ATF6: variants seen among roughly 807,000 people sequenced by gnomAD.
ATF6 encodes cyclic AMP-dependent transcription factor ATF-6 alpha.
Under a neutral mutation model 83.6 loss-of-function variants are expected in ATF6, and 53 were observed. That is an observed-to-expected ratio of 0.63 (90% CI 0.51 to 0.80). The LOEUF (loss-of-function observed/expected upper bound fraction) is 0.80, where lower values mean the gene tolerates loss of function less well. Ranked by LOEUF, ATF6 falls within the 30% of genes least tolerant of loss-of-function variation. The pLI is 0.00. For missense variants in ATF6, 744 were observed against 797.9 expected (o/e 0.93, Z 0.81); for synonymous variants, 288 against 285.8 (o/e 1.01, Z -0.08).
chr1:161,897,161 C>A (rs563309276), intron 14 of ATF6, among the ~76,000 whole-genome samples: 2 of 152,022 alleles, frequency 1.3e-5, no homozygotes, highest in African/African-American at 4.8e-5. Flanking sequence ...GAGCTGGGCT[C>A]GGTGGCACAC....
At chr1:161,794,060 C>T (rs1223575882) in intron 6 of ATF6, among the ~76,000 whole-genome samples, 1 of 152,100 alleles carries the variant, frequency 6.6e-6, no homozygotes, top group Non-Finnish European at 1.5e-5. Flanking sequence ...GCACGTGCCA[C>T]CATGCCCAGC....
intron 1 of ATF6, among the ~76,000 whole-genome samples, chr1:161,768,508 A>G (rs2101709427): frequency 6.6e-6 from 1 of 152,264 alleles, no homozygotes; most frequent in Non-Finnish European, 1.5e-5. Flanking sequence ...TCGTTCTGTG[A>G]CAGTTGCTGT....
chr1:161,959,202 A>T lies in ATF6; in HGVS notation c.*548A>T, dbSNP rs1275622336. 1 of 152,314 alleles carries T rather than the reference A, an allele frequency of 6.6e-6. No homozygotes were observed. Among genetic ancestry groups the T allele is most frequent in the East Asian group, 1.9e-4 (1 of 5,266 alleles). 9.4% of individuals were successfully genotyped at this position (152,314 alleles called of 1,614,324 possible). A position where few individuals can be genotyped will look rare whatever the true frequency, so the allele number is the denominator to read the frequency against. On this transcript the variant is annotated 3_prime_UTR_variant, in exon 16 of 16. Coordinates refer to ENST00000367942, the MANE Select transcript of ATF6 (RefSeq NM_007348.4). ...CCAAAAACACTCCAAAAACAAGCAA[A>T]ACAATTTGGAGCTTTAGATAAAAGG...
chr1:161,793,206 A>G (rs549118463), intron 6 of ATF6, among the ~76,000 whole-genome samples: 2 of 152,326 alleles, frequency 1.3e-5, no homozygotes, highest in Non-Finnish European at 2.9e-5. Flanking sequence ...TTTAATTTCC[A>G]GATACTCTTT....
chr1:161,887,117 A>G lies in ATF6; in HGVS notation c.1719+23805A>G, dbSNP rs1470507736. ...GAGGGAGTCTCGCTTTGTCACCCATACTGGAGTGCAGTGGTGCGATCTCAG... is the reference window on the plus strand; with the variant it reads ...GAGGGAGTCTCGCTTTGTCACCCATGCTGGAGTGCAGTGGTGCGATCTCAG... On this transcript the variant is annotated intron_variant, in intron 14 of 15. Transcript: ENST00000367942. Among the ~76,000 whole-genome samples, 9 of 151,426 alleles carry G rather than the reference A, an allele frequency of 5.9e-5. No individual in the cohort carries two copies. The East Asian group carries it at 1.7e-3, about 29-fold the overall frequency.
chr1:161,804,779 A>G (rs540517265), intron 7 of ATF6, among the ~76,000 whole-genome samples: 106 of 152,066 alleles, frequency 7.0e-4, no homozygotes, highest in Non-Finnish European at 1.2e-3. Flanking sequence ...ATCTCTAAAC[A>G]TATTCCAATT....
In ATF6 at chr1:161,802,063, T is replaced by G; in HGVS notation, c.700T>G (p.Leu234Val). The G allele has an allele frequency of 6.2e-7, 1 of 1,614,088 alleles. No homozygotes were observed. Among genetic ancestry groups the G allele is most frequent in the South Asian group, 1.1e-5 (1 of 91,086 alleles). The change falls in exon 7 of 16, where the codon TTG becomes GTG. Residue 234 changes from leucine to valine, a missense_variant. Leu to Val is a conservative substitution (Grantham distance 32). Coordinates refer to ENST00000367942, the MANE Select transcript of ATF6 (RefSeq NM_007348.4). ...QPAPTKGQTV[L>V]LSQPTVVQLQ... is the part of the protein sequence containing the mutation. ...TTTTTCTAACGCAGGCCAGACGGTT[T>G]TGCTGTCTCAGCCTACTGTGGTACA...
At position 161,942,549 on chromosome 1, in the gene ATF6, G is replaced by A. The variant is rs185143383; in HGVS notation, c.1805-15897G>A. On this transcript the variant is annotated intron_variant, in intron 15 of 15. Coordinates refer to ENST00000367942, the MANE Select transcript of ATF6 (RefSeq NM_007348.4). The stretch of plus-strand genomic sequence containing the variant: ...TTCCAAAGCCTGATGTCTCTCCACT[G>A]TGCCACACACACTGACTCCACACAA... Among the ~76,000 whole-genome samples the A allele has an allele frequency of 2.0e-5, 3 of 152,244 alleles. 1 individual carries two copies. The East Asian group carries it at 5.8e-4, about 29-fold the overall frequency.
At chr1:161,916,122 A>G (rs973257834) in intron 15 of ATF6, among the ~76,000 whole-genome samples, 2 of 151,726 alleles carry the variant, frequency 1.3e-5, no homozygotes, top group African/African-American at 4.8e-5. Context: ...TTGCCCTTCC[A>G]CTCCACTGAA....
intron 15 of ATF6, among the ~76,000 whole-genome samples, chr1:161,949,761 G>A (rs187004138): frequency 3.3e-5 from 5 of 152,176 alleles, no homozygotes; most frequent in East Asian, 3.9e-4. Flanking sequence ...TCAAGAACTC[G>A]CTCACCCCTG....
At chr1:161,852,513 G>A (rs1257984602) in intron 11 of ATF6, among the ~76,000 whole-genome samples, 2 of 152,076 alleles carry the variant, frequency 1.3e-5, no homozygotes, top group African/African-American at 2.4e-5. Context: ...TTTGTTGTTA[G>A]GGGTCCTATG....
intron 14 of ATF6, among the ~76,000 whole-genome samples, chr1:161,880,330 G>A (rs201557524): frequency 2.8e-5 from 3 of 108,278 alleles, no homozygotes; most frequent in Admixed American, 2.7e-4. Flanking sequence ...TGATATGTAT[G>A]TGTGTGTGTG....
At chr1:161,948,331 T>C (rs1392619058) in intron 15 of ATF6, among the ~76,000 whole-genome samples, 1 of 152,170 alleles carries the variant, frequency 6.6e-6, no homozygotes, top group Non-Finnish European at 1.5e-5. Context: ...AAATCCTTTA[T>C]CCCATCTTTT....
At chr1:161,768,767 G>A (rs1006337107) in intron 1 of ATF6, among the ~76,000 whole-genome samples, 2 of 152,078 alleles carry the variant, frequency 1.3e-5, no homozygotes, top group African/African-American at 4.8e-5. Flanking sequence ...AGAGACAGGG[G>A]TCTTGCTGTG....
At chr1:161,943,033 T>C (rs1688680985) in intron 15 of ATF6, among the ~76,000 whole-genome samples, 1 of 152,196 alleles carries the variant, frequency 6.6e-6, no homozygotes, top group Non-Finnish European at 1.5e-5. Context: ...TTTTTGTATT[T>C]TTAGTAGAGA....
chr1:161,835,459 C>G (rs1686190359), intron 9 of ATF6, among the ~76,000 whole-genome samples: 1 of 152,086 alleles, frequency 6.6e-6, no homozygotes. Context: ...AACATTTTTC[C>G]CAGGAGATTC....
chr1:161,934,404 T>TG, intron 15 of ATF6, among the ~76,000 whole-genome samples: 1 of 152,162 alleles, frequency 6.6e-6, no homozygotes, highest in Middle Eastern at 3.4e-3. Context: ...AAGGAGTGAG[T>TG]GCTTCAAAGT....
At chr1:161,895,732 A>G (rs1250885152) in intron 14 of ATF6, among the ~76,000 whole-genome samples, 1 of 152,192 alleles carries the variant, frequency 6.6e-6, no homozygotes, top group Non-Finnish European at 1.5e-5. Context: ...ATATCTGATC[A>G]TTTTATTACT....
intron 6 of ATF6, among the ~76,000 whole-genome samples, chr1:161,797,099 T>C (rs1186881993): frequency 2.0e-5 from 3 of 152,222 alleles, no homozygotes; most frequent in Non-Finnish European, 4.4e-5. Flanking sequence ...AATTTCTGCA[T>C]TTTATATGTT....
Sources: allele counts gnomAD v4.1 joint callset (sites outside exome capture counted in the v4.1 genomes callset), GRCh38; gene constraint gnomAD v4.1.1; transcripts MANE v1.5; gene names NCBI Gene and HGNC (gene_info 2026-07-23, HGNC 2026-07-21).